Variants in GNB2 observed in about 807,000 individuals in gnomAD.
GNB2 encodes G protein subunit beta 2, also known as guanine nucleotide-binding protein G(I)/G(S)/G(T) subunit beta-2.
GNB2 carries 7 observed loss-of-function variants against 40.7 expected under a neutral mutation model. That is an observed-to-expected ratio of 0.17 (90% CI 0.10 to 0.32). GNB2 has a LOEUF of 0.32. Ranked by LOEUF, GNB2 falls within the 10% of genes least tolerant of loss-of-function variation. GNB2 has a pLI of 1.00. For missense variants in GNB2, 286 were observed against 473.0 expected, an observed-to-expected ratio of 0.60 and a Z score of 3.67; for synonymous variants, 254 against 191.2, an observed-to-expected ratio of 1.33 and a Z score of -2.71.
Position 100,678,847 on chromosome 7 carries a change from G to T in GNB2, c.*46G>T, listed in dbSNP as rs1442132151. The T allele has an allele frequency of 2.1e-6, 3 of 1,427,996 alleles. No individual in the cohort carries two copies. Among genetic ancestry groups the T allele is most frequent in the Non-Finnish European group, 3.0e-6 (3 of 1,012,796 alleles). 88.5% of individuals were successfully genotyped at this position (1,427,996 alleles called of 1,614,324 possible). On this transcript the variant is annotated 3_prime_UTR_variant, in exon 10 of 10. Transcript: ENST00000303210. ...CCAGGCCAGGAGGGGCCCTGCCCAT[G>T]CCCACACTACAGGCCAGGGCTGCGG... is the stretch of plus-strand genomic sequence containing the variant.
chr7:100,676,651 G>A, intron 3 of GNB2, 42 bp from the exon 4 acceptor site: 8 of 1,553,412 alleles, frequency 5.1e-6, no homozygotes, highest in East Asian at 2.2e-5. Flanking sequence ...CTGCAGTCCT[G>A]CTGCCTGGGC....
chr7:100,675,743 G>T (rs1345233904), intron 1 of GNB2: 1 of 151,692 alleles, frequency 6.6e-6, no homozygotes, highest in Non-Finnish European at 1.5e-5. Flanking sequence ...GAAGCTGGGG[G>T]TGTGTGTGGA....
chr7:100,676,088 G>A lies in GNB2; in HGVS notation c.-89-89G>A, dbSNP rs553910979. On this transcript the variant is annotated intron_variant, in intron 1 of 9. Coordinates refer to ENST00000303210, the MANE Select transcript of GNB2 (RefSeq NM_005273.4). ...CGCGCCGCCCCTTCCCCCTCCCCTT[G>A]CTTACCCCTTCCGGGCCGCGCTGCA... 4,937 of 526,002 alleles carry A rather than the reference G, an allele frequency of 9.4e-3. 33 individuals are homozygous for A. Among genetic ancestry groups the A allele is most frequent in the Non-Finnish European group, 0.013 (4,019 of 300,610 alleles). 32.6% of individuals were successfully genotyped at this position (526,002 alleles called of 1,614,324 possible). A position where few individuals can be genotyped will look rare whatever the true frequency, so the allele number is the denominator to read the frequency against.
chr7:100,677,854 C>T, intron 7 of GNB2, 36 bp downstream of exon 7: 1 of 1,564,180 alleles, frequency 6.4e-7, no homozygotes, highest in Non-Finnish European at 8.8e-7. Flanking sequence ...TCTGGGCAAA[C>T]CCACACTTCC....
intron 1 of GNB2, among the ~76,000 whole-genome samples, chr7:100,674,227 C>T (rs1444838097): frequency 1.3e-5 from 2 of 151,914 alleles, no homozygotes; most frequent in Non-Finnish European, 2.9e-5. Flanking sequence ...TCCGGGCTTC[C>T]TCTAGGCCCC....
intron 1 of GNB2, 113 bp downstream of exon 1, chr7:100,674,036 C>T (rs1804299036): frequency 6.5e-6 from 1 of 153,700 alleles, no homozygotes; most frequent in Admixed American, 6.5e-5. Flanking sequence ...ACGTAACTCC[C>T]CAGACCTCCG....
At position 100,676,492 on chromosome 7, in the gene GNB2, C is replaced by T. The variant is rs748486004; in HGVS notation, c.58-43C>T. 6 of 1,552,610 alleles carry T rather than the reference C, an allele frequency of 3.9e-6. No homozygotes were observed. In the African/African-American group the frequency reaches 4.1e-5, roughly 11 times the overall value. On this transcript the variant is annotated intron_variant, in intron 2 of 9. Coordinates refer to ENST00000303210, the MANE Select transcript of GNB2 (RefSeq NM_005273.4). ...TCTCTTCTCTCCCTTTCCTCCCCAA[C>T]CTGTCTTCTCTCGCGTCTCTCTGGC... is the stretch of plus-strand genomic sequence containing the variant.
At position 100,674,479 on chromosome 7, in the gene GNB2, T is replaced by C. The variant is rs968207516; in HGVS notation, c.-90+556T>C. Among the ~76,000 whole-genome samples the C allele has an allele frequency of 6.6e-5, 10 of 151,314 alleles. No individual in the cohort carries two copies. The East Asian group carries it at 1.8e-3, about 27-fold the overall frequency. The stretch of plus-strand genomic sequence containing the variant: ...CTCGGCGCCCTATTCCCTTTACAGA[T>C]CCTCACCCCAAGCCCAGCTCCCAGG... On this transcript the variant is annotated intron_variant, in intron 1 of 9. Coordinates refer to ENST00000303210, the MANE Select transcript of GNB2 (RefSeq NM_005273.4).
chr7:100,676,861 C>T, intron 4 of GNB2, 62 bp downstream of exon 4: 1 of 984,672 alleles, frequency 1.0e-6, no homozygotes, highest in Non-Finnish European at 1.5e-6. Flanking sequence ...TGGGAGCAGC[C>T]TCAGATCTGG....
intron 1 of GNB2, among the ~76,000 whole-genome samples, chr7:100,674,777 C>T (rs1374156844): frequency 6.6e-6 from 1 of 152,236 alleles, no homozygotes. Context: ...ACGTCGCCCC[C>T]GCCCCCAGTT....
rs762404258 is a variant in GNB2, at chr7:100,676,337, C to A, written c.57+15C>A. The A allele has an allele frequency of 1.9e-6, 3 of 1,593,616 alleles. No homozygotes were observed. The highest frequency in any genetic ancestry group is 1.7e-6 in the Non-Finnish European group (2 of 1,168,442). ...ACCAGATCCGGGTGAGGGCCTGGTG[C>A]GGGGCGGGCGATTCATGTGTACACC... On this transcript the variant is annotated intron_variant, in intron 2 of 9. Coordinates refer to ENST00000303210, the MANE Select transcript of GNB2 (RefSeq NM_005273.4).
chr7:100,678,681 T>C lies in GNB2; in HGVS notation c.917-14T>C. ...CCCAGGCCCAATGGGTTCTGACTTC[T>C]CTCTTCTTCACAGGAGTCCTCGCTG... On this transcript the variant is annotated splice_polypyrimidine_tract_variant and intron_variant, in intron 9 of 9. Coordinates refer to ENST00000303210, the MANE Select transcript of GNB2 (RefSeq NM_005273.4). 8 of 1,612,040 alleles carry C rather than the reference T, an allele frequency of 5.0e-6. No individual in the cohort carries two copies. Among genetic ancestry groups the C allele is most frequent in the Non-Finnish European group, 6.8e-6 (8 of 1,178,580 alleles).
intron 4 of GNB2, 114 bp downstream of exon 4, chr7:100,676,913 A>T: frequency 1.5e-6 from 1 of 651,096 alleles, no homozygotes; most frequent in Non-Finnish European, 2.7e-6. Context: ...TACGTCTGGA[A>T]AAACGGTGAC....
intron 1 of GNB2, 95 bp from the exon 2 acceptor site, chr7:100,676,082 C>A (rs1213535373): frequency 5.9e-6 from 3 of 512,138 alleles, no homozygotes; most frequent in Admixed American, 7.8e-5. Flanking sequence ...CCTTCCCCCT[C>A]CCCTTGCTTA....
intron 4 of GNB2, 45 bp from the exon 5 acceptor site, chr7:100,677,307 G>C: frequency 6.5e-7 from 1 of 1,529,748 alleles, no homozygotes; most frequent in East Asian, 2.3e-5. Context: ...GGTGTGTCTT[G>C]TTTTCACGCC....
intron 1 of GNB2, 64 bp downstream of exon 1, chr7:100,673,987 TCTTC>T (rs1004876556): frequency 5.8e-5 from 9 of 155,648 alleles, no homozygotes; most frequent in African/African-American, 2.2e-4. Context: ...GGGGAACCTC[TCTTC>T]CTTCGGTCTC....
chr7:100,674,031 A>C (rs1804298847), intron 1 of GNB2, 108 bp downstream of exon 1: 1 of 152,660 alleles, frequency 6.6e-6, no homozygotes, highest in African/African-American at 2.4e-5. Flanking sequence ...AGCGGACGTA[A>C]CTCCCCAGAC....
At chr7:100,676,505 G>T (rs1804351522) in intron 2 of GNB2, 30 bp from the exon 3 acceptor site, 2 of 1,590,544 alleles carry the variant, frequency 1.3e-6, no homozygotes, top group Non-Finnish European at 1.7e-6. Flanking sequence ...GTCTTCTCTC[G>T]CGTCTCTCTG....
rs775087062 is a variant in GNB2, at chr7:100,678,741, C to T, written c.963C>T (p.Thr321=). Residue 321 remains threonine (T), a synonymous_variant, in exon 10 of 10, where the codon ACC becomes ACT. Coordinates refer to ENST00000303210, the MANE Select transcript of GNB2 (RefSeq NM_005273.4). ...ACCGCGTGAGCTGCCTCGGGGTCAC[C>T]GACGATGGCATGGCTGTGGCCACGG... ...HDNRVSCLGV[T]DDGMAVATGS... 31 of 1,613,682 alleles carry T rather than the reference C, an allele frequency of 1.9e-5. No homozygotes were observed. The highest frequency in any genetic ancestry group is 9.9e-5 in the South Asian group (9 of 91,092).
Sources: gnomAD v4.1 joint callset for allele counts (sites outside exome capture counted in the v4.1 genomes callset) on GRCh38, gnomAD v4.1.1 for gene constraint, MANE v1.5 for transcripts, NCBI Gene and HGNC (gene_info 2026-07-23, HGNC 2026-07-21) for gene names.